SLC25A12: variants seen among roughly 807,000 people sequenced by gnomAD.
The protein encoded by SLC25A12 is solute carrier family 25 member 12, also known as electrogenic aspartate/glutamate antiporter SLC25A12, mitochondrial.
Under a neutral mutation model 83.3 loss-of-function variants are expected in SLC25A12, and 32 were observed. The ratio of observed to expected loss-of-function variants is 0.38; its 90% confidence interval spans 0.29 to 0.52. SLC25A12 has a LOEUF of 0.52. SLC25A12 is among the 20% of genes least tolerant of loss of function. The pLI, the probability that SLC25A12 is intolerant of heterozygous loss-of-function variation, is 0.84. For synonymous variants in SLC25A12, 267 were observed against 291.1 expected (o/e 0.92, Z 0.84); for missense variants, 611 against 835.6 (o/e 0.73, Z 3.31).
In SLC25A12 at chr2:171,818,002, C is replaced by A. The variant is rs150535068; in HGVS notation, c.931-2800G>T. 6.6e-4 allele frequency among the ~76,000 whole-genome samples: 101 copies of A among 152,300 alleles called. 1 individual carries two copies. In the East Asian group the frequency reaches 0.013, roughly 20 times the overall value. On this transcript the variant is annotated intron_variant, in intron 9 of 17. Transcript: ENST00000422440. ...CCTTTTGACAGAAATGTCACCTTCA[C>A]CCTTATTAAATAACATTTAAAAGAA... is the stretch of plus-strand genomic sequence containing the variant.
rs778407631 is a variant in SLC25A12, at chr2:171,826,891, A to G, written c.846-9T>C. On this transcript the variant is annotated splice_polypyrimidine_tract_variant and intron_variant, in intron 8 of 17. Coordinates refer to ENST00000422440, the MANE Select transcript of SLC25A12 (RefSeq NM_003705.5). ...CTGCCAAAGTCAAGCGCCTTCAGGAAAAATATAGGAAAGAATTGTTAGACA... is the reference window on the plus strand; with the variant it reads ...CTGCCAAAGTCAAGCGCCTTCAGGAGAAATATAGGAAAGAATTGTTAGACA... 5.9e-6 allele frequency: 9 copies of G among 1,515,552 alleles called. No individual in the cohort carries two copies. The South Asian group carries it at 9.0e-5, about 15-fold the overall frequency. The allele number at this position is 1,515,552 out of a possible 1,614,324, so 93.9% of individuals were successfully genotyped here.
intron 3 of SLC25A12, among the ~76,000 whole-genome samples, chr2:171,860,305 G>A (rs1685127059): frequency 6.6e-6 from 1 of 152,138 alleles, no homozygotes; most frequent in African/African-American, 2.4e-5. Context: ...CAAAGGCTGG[G>A]CATGGTCACT....
intron 10 of SLC25A12, among the ~76,000 whole-genome samples, chr2:171,813,883 CT>C (rs1683996901): frequency 6.6e-6 from 1 of 152,162 alleles, no homozygotes. Flanking sequence ...ATGCCAGTTA[CT>C]TCTTAAAATG....
chr2:171,834,593 G>T, intron 7 of SLC25A12, 134 bp downstream of exon 7: 2 of 1,020,486 alleles, frequency 2.0e-6, no homozygotes, highest in Non-Finnish European at 2.9e-6. Flanking sequence ...TGGAGCCCAA[G>T]TAAAGCATAC....
intron 2 of SLC25A12, among the ~76,000 whole-genome samples, chr2:171,892,984 A>T (rs1362778299): frequency 6.7e-6 from 1 of 150,328 alleles, no homozygotes; most frequent in African/African-American, 2.4e-5. Flanking sequence ...AAGTCATGTA[A>T]AAAAAAAAGC....
At chr2:171,803,834 C>CACAT (rs1425994783) in intron 13 of SLC25A12, among the ~76,000 whole-genome samples, 4 of 125,418 alleles carry the variant, frequency 3.2e-5, no homozygotes, top group Admixed American at 1.6e-4. Context: ...CACACACACG[C>CACAT]GCGCACACAC....
At position 171,833,949 on chromosome 2, in the gene SLC25A12, A is replaced by C. The variant is rs1243982767; in HGVS notation, c.845+14T>G. The C allele has an allele frequency of 1.4e-6, 2 of 1,398,470 alleles. No individual in the cohort carries two copies. The highest frequency in any genetic ancestry group is 2.3e-5 in the South Asian group (2 of 86,518). The allele number at this position is 1,398,470 out of a possible 1,614,324, so 86.6% of individuals were successfully genotyped here. On this transcript the variant is annotated intron_variant, in intron 8 of 17. Transcript: ENST00000422440. ...TCTATAATAAATATCATGAAGAATT[A>C]TTGAAATACTTACCCTGAAGCATTA...
intron 4 of SLC25A12, among the ~76,000 whole-genome samples, chr2:171,848,941 G>A (rs1684855131): frequency 6.6e-6 from 1 of 152,036 alleles, no homozygotes; most frequent in Non-Finnish European, 1.5e-5. Flanking sequence ...TATAATCCCA[G>A]CACTTTGGGA....
Position 171,892,166 on chromosome 2 carries a change from T to A in SLC25A12, c.66+1039A>T, listed in dbSNP as rs995053372. On this transcript the variant is annotated intron_variant, in intron 2 of 17. Coordinates refer to ENST00000422440, the MANE Select transcript of SLC25A12 (RefSeq NM_003705.5). ...AACCCAGGTCCAGAATAGAAAGTTC[T>A]CAAAAGATTTCAGAGAGAAATGCAA... Among the ~76,000 whole-genome samples the A allele has an allele frequency of 6.0e-4, 91 of 151,726 alleles. 1 individual carries two copies. Among genetic ancestry groups the A allele is most frequent in the African/African-American group, 2.1e-3 (85 of 41,322 alleles).
Position 171,783,534 on chromosome 2 carries a change from A to T in SLC25A12, c.*1740T>A, listed in dbSNP as rs1275237001. 2.0e-5 allele frequency among the ~76,000 whole-genome samples: 3 copies of T among 152,244 alleles called. No individual in the cohort carries two copies. Among genetic ancestry groups the T allele is most frequent in the African/African-American group, 7.2e-5 (3 of 41,474 alleles). On this transcript the variant is annotated 3_prime_UTR_variant, in exon 18 of 18. Coordinates refer to ENST00000422440, the MANE Select transcript of SLC25A12 (RefSeq NM_003705.5). The stretch of plus-strand genomic sequence containing the variant: ...TTCTAAAATATAAATATGTACATAT[A>T]TTTCTATAGAGTTATGAAAAACAGA...
At chr2:171,833,448 C>A (rs190639991) in intron 8 of SLC25A12, among the ~76,000 whole-genome samples, 3 of 152,140 alleles carry the variant, frequency 2.0e-5, no homozygotes, top group Admixed American at 2.0e-4. Flanking sequence ...ACACAGGGAG[C>A]CTTCACTTCA....
intron 2 of SLC25A12, among the ~76,000 whole-genome samples, chr2:171,891,868 C>T (rs1206722549): frequency 6.6e-6 from 1 of 152,204 alleles, no homozygotes; most frequent in Non-Finnish European, 1.5e-5. Flanking sequence ...ATATTATGAC[C>T]TTTAAGATTC....
chr2:171,786,522 A>G (rs536890866), intron 17 of SLC25A12, among the ~76,000 whole-genome samples: 1 of 152,008 alleles, frequency 6.6e-6, no homozygotes, highest in Non-Finnish European at 1.5e-5. Flanking sequence ...TTTTTTGCAT[A>G]GGTCCCTCCA....
chr2:171,889,689 A>T (rs568669699), intron 2 of SLC25A12, among the ~76,000 whole-genome samples: 151 of 139,750 alleles, frequency 1.1e-3, no homozygotes, highest in Non-Finnish European at 1.9e-3. Flanking sequence ...ACTTCTTAAC[A>T]CTCTGCCATT....
intron 4 of SLC25A12, among the ~76,000 whole-genome samples, chr2:171,846,972 A>G (rs1268570075): frequency 6.6e-6 from 1 of 152,238 alleles, no homozygotes; most frequent in African/African-American, 2.4e-5. Flanking sequence ...AACAATTAAA[A>G]TGATGGTCTA....
chr2:171,893,154 T>G, intron 2 of SLC25A12, 51 bp downstream of exon 2: 1 of 1,418,282 alleles, frequency 7.1e-7, no homozygotes. Flanking sequence ...ACTAAGGACA[T>G]GTACGTTTTT....
rs1260857445 is a variant in SLC25A12 at position 171,894,239 on chromosome 2, G to A, written c.-25C>T. On this transcript the variant is annotated 5_prime_UTR_variant, in exon 1 of 18. Coordinates refer to ENST00000422440, the MANE Select transcript of SLC25A12 (RefSeq NM_003705.5). ...TGCTGTGCTCGGAAGCCGGGGACGA[G>A]CGAGTGAGCGAGCAGGGCCGAGCTG... The A allele has an allele frequency of 1.9e-6, 3 of 1,606,806 alleles. No individual in the cohort carries two copies. Among genetic ancestry groups the A allele is most frequent in the South Asian group, 2.2e-5 (2 of 89,824 alleles).
intron 13 of SLC25A12, 74 bp from the exon 14 acceptor site, chr2:171,793,841 G>T: frequency 1.3e-6 from 2 of 1,534,032 alleles, no homozygotes; most frequent in Non-Finnish European, 1.8e-6. Flanking sequence ...GGAAAATCCA[G>T]CAAAGCCTCC....
At chr2:171,806,601 A>T (rs570965183) in intron 13 of SLC25A12, among the ~76,000 whole-genome samples, 103 of 152,372 alleles carry the variant, frequency 6.8e-4, no homozygotes, top group Non-Finnish European at 9.0e-4. Context: ...CTAAAAGGGA[A>T]TATTGTCATT....
Sources: allele counts gnomAD v4.1 joint callset (sites outside exome capture counted in the v4.1 genomes callset), GRCh38; gene constraint gnomAD v4.1.1; transcripts MANE v1.5; gene names NCBI Gene and HGNC (gene_info 2026-07-23, HGNC 2026-07-21).